The following KIAA1755 variants were observed in gnomAD, a reference collection of about 807,000 sequenced individuals.
The protein encoded by KIAA1755 is KIAA1755.
In KIAA1755, 68 loss-of-function variants were observed where a neutral mutation model predicts 91.7. That is an observed-to-expected ratio of 0.74 (90% CI 0.61 to 0.91). The LOEUF (loss-of-function observed/expected upper bound fraction) is 0.91. Among genes scored for constraint, KIAA1755 ranks in the 40% least tolerant of loss-of-function variants. KIAA1755 has a pLI of 0.00. For synonymous variants in KIAA1755, 610 were observed against 604.6 expected, an observed-to-expected ratio of 1.01 and a Z score of -0.13; for missense variants, 1,535 against 1,494.4, an observed-to-expected ratio of 1.03 and a Z score of -0.45.
intron 4 of KIAA1755, 120 bp downstream of exon 4, chr20:38,239,408 C>T (rs968139538): frequency 1.2e-6 from 1 of 808,348 alleles, no homozygotes. Flanking sequence ...CCCAAGGAGG[C>T]TTGGTCTAGA....
chr20:38,216,054 G>T (rs755034593), intron 13 of KIAA1755, among the ~76,000 whole-genome samples: 3 of 152,110 alleles, frequency 2.0e-5, no homozygotes, highest in African/African-American at 7.2e-5. Context: ...CATAGGATCG[G>T]GGCGACAATA....
At chr20:38,242,809 T>C (rs1354590400) in intron 2 of KIAA1755, among the ~76,000 whole-genome samples, 1 of 152,260 alleles carries the variant, frequency 6.6e-6, no homozygotes, top group East Asian at 1.9e-4. Flanking sequence ...TATTTGTTTG[T>C]TTATTTATTT....
In KIAA1755 at chr20:38,241,896, CCT is replaced by C. The variant is rs2076075669; in HGVS notation, c.233_234del (p.Glu78GlyfsTer9). On this transcript the variant is annotated frameshift_variant, in exon 3 of 14. Transcript: ENST00000279024. LOFTEE classifies it high-confidence loss of function. The part of the protein sequence containing the change: ...APYSHCLFLH[E>X]GWPLCLRDEV... ...TCATCCCTCAGACAGAGTGGCCAGC[CCT>C]CGTGTAAGAAGAGGCAGTGTGAGTA... The C allele has an allele frequency of 1.2e-6, 2 of 1,613,576 alleles. No individual in the cohort carries two copies. The highest frequency in any genetic ancestry group is 1.7e-6 in the Non-Finnish European group (2 of 1,179,940).
rs751770948 is a variant in KIAA1755, at chr20:38,213,240, C to T, written c.3405G>A (p.Glu1135=). ...SPPQEAGQAA[E]AEDGKGSHKL... is the part of the protein sequence containing the mutation. The stretch of plus-strand genomic sequence containing the variant: ...TGTGGGAGCCTTTGCCGTCTTCAGC[C>T]TCTGCAGCCTGGCCAGCTTCCTGGG... The change falls in exon 14 of 14, where the codon GAG becomes GAA. Residue 1135 remains glutamate, a synonymous_variant. Transcript: ENST00000279024. The T allele has an allele frequency of 1.2e-6, 2 of 1,613,294 alleles. No individual in the cohort carries two copies. Among genetic ancestry groups the T allele is most frequent in the Admixed American group, 1.7e-5 (1 of 60,012 alleles).
chr20:38,218,008 T>C (rs939550810), intron 12 of KIAA1755: 5 of 571,556 alleles, frequency 8.7e-6, no homozygotes, highest in African/African-American at 5.6e-5. Context: ...CCCTGGAAAC[T>C]GCATTTTAAG....
intron 13 of KIAA1755, among the ~76,000 whole-genome samples, chr20:38,216,130 T>C (rs2075539907): frequency 6.6e-6 from 1 of 152,222 alleles, no homozygotes; most frequent in East Asian, 1.9e-4. Context: ...CCATTAACTA[T>C]GGTCTTAGCA....
At position 38,241,677 on chromosome 20, in the gene KIAA1755, C is replaced by T; in HGVS notation, c.454G>A (p.Ala152Thr). The change falls in exon 3 of 14, where the codon GCC (alanine) becomes ACC (threonine). Residue 152 changes from alanine (A) to threonine (T), a missense_variant. Coordinates refer to ENST00000279024, the MANE Select transcript of KIAA1755 (RefSeq NM_001029864.2). ...PILFTQEWLE[A>T]INSDFEGNPL... Reference sequence around the variant, plus strand: ...TTTCCCTCAAAGTCACTGTTGATGGCCTCCAGCCATTCTTGGGTGAAAAGT... The same window carrying T: ...TTTCCCTCAAAGTCACTGTTGATGGTCTCCAGCCATTCTTGGGTGAAAAGT... 1 of 1,614,242 alleles carries T rather than the reference C, an allele frequency of 6.2e-7. No individual in the cohort carries two copies. Among genetic ancestry groups the T allele is most frequent in the Non-Finnish European group, 8.5e-7 (1 of 1,180,048 alleles).
intron 1 of KIAA1755, among the ~76,000 whole-genome samples, chr20:38,258,713 A>G (rs1303193530): frequency 1.3e-5 from 2 of 152,198 alleles, no homozygotes; most frequent in Non-Finnish European, 2.9e-5. Context: ...AGCGTGAACC[A>G]TAAGAGGCTC....
At chr20:38,251,844 G>T (rs2076255389) in intron 1 of KIAA1755, among the ~76,000 whole-genome samples, 1 of 152,112 alleles carries the variant, frequency 6.6e-6, no homozygotes, top group Non-Finnish European at 1.5e-5. Context: ...GAGATTACAG[G>T]CATGAGACAC....
In KIAA1755 at chr20:38,244,643, G is replaced by A. The variant is rs1304006920; in HGVS notation, c.201+1286C>T. Among the ~76,000 whole-genome samples the A allele has an allele frequency of 2.6e-5, 4 of 152,176 alleles. No homozygotes were observed. In the East Asian group the frequency reaches 7.7e-4, roughly 29 times the overall value. Reference sequence around the variant, plus strand: ...GGGAAACCCATGAAGGGAATGGCAAGTTCCTGTGGTGGGCATTTGACGGCT... The same window carrying A: ...GGGAAACCCATGAAGGGAATGGCAAATTCCTGTGGTGGGCATTTGACGGCT... On this transcript the variant is annotated intron_variant, in intron 2 of 13. Transcript: ENST00000279024.
At chr20:38,223,214 C>A (rs748708738) in intron 9 of KIAA1755, 13 of 209,208 alleles carry the variant, frequency 6.2e-5, no homozygotes, top group African/African-American at 2.6e-4. Flanking sequence ...GGCCCTCCTC[C>A]CTCCCTCATT....
intron 1 of KIAA1755, among the ~76,000 whole-genome samples, chr20:38,251,439 C>A (rs752441932): frequency 2.0e-5 from 3 of 151,994 alleles, no homozygotes; most frequent in Non-Finnish European, 2.9e-5. Context: ...ACCCAGGGAA[C>A]CTTGTAGTGC....
At chr20:38,228,380 A>G (rs1490977935) in intron 5 of KIAA1755, 140 bp from the exon 6 acceptor site, 13 of 570,666 alleles carry the variant, frequency 2.3e-5, no homozygotes, top group Middle Eastern at 2.9e-4. Flanking sequence ...CCAAGTTCCA[A>G]TGCCCCTTCT....
In KIAA1755 at chr20:38,242,055, G is replaced by A. The variant is rs1279529137; in HGVS notation, c.202-126C>T. On this transcript the variant is annotated intron_variant, in intron 2 of 13. Transcript: ENST00000279024. ...GGGACTAGGATGAGGCAGCATTTAG[G>A]AGGCACTCACTGTCAAGGTTGTGCA... 3 of 929,048 alleles carry A rather than the reference G, an allele frequency of 3.2e-6. No individual in the cohort carries two copies. In the African/African-American group the frequency reaches 5.0e-5, roughly 15 times the overall value. 57.6% of individuals were successfully genotyped at this position (929,048 alleles called of 1,614,324 possible).
At chr20:38,255,356 C>G (rs1012326333) in intron 1 of KIAA1755, among the ~76,000 whole-genome samples, 2 of 152,174 alleles carry the variant, frequency 1.3e-5, no homozygotes, top group Admixed American at 6.5e-5. Context: ...TCAGCCTCAG[C>G]ACCAGGGAAG....
Position 38,222,652 on chromosome 20 carries a change from T to G in KIAA1755, c.2269-55A>C, listed in dbSNP as rs1319472744. 3.8e-6 allele frequency: 6 copies of G among 1,576,498 alleles called. No individual in the cohort carries two copies. The East Asian group carries it at 1.4e-4, about 36-fold the overall frequency. On this transcript the variant is annotated intron_variant, in intron 9 of 13. Transcript: ENST00000279024. ...CCATCCCCACTCTCCCTCTGCAACC[T>G]TCCAAGGCTCCCCACACCCAGATCA...
At chr20:38,217,214 G>A in intron 13 of KIAA1755, 39 bp downstream of exon 13, 2 of 1,526,342 alleles carry the variant, frequency 1.3e-6, no homozygotes, top group Non-Finnish European at 1.8e-6. Context: ...CCAGCCAGGG[G>A]ATCGGGGGGT....
At position 38,228,629 on chromosome 20, in the gene KIAA1755, T is replaced by C. The variant is rs547854341; in HGVS notation, c.1872-389A>G. On this transcript the variant is annotated intron_variant, in intron 5 of 13. Coordinates refer to ENST00000279024, the MANE Select transcript of KIAA1755 (RefSeq NM_001029864.2). ...AGTTCCCCCAGAGCCTGGCTTCTGATTGGTTGAGGCCAACAGTAGTGACGT... is the reference window on the plus strand; with the variant it reads ...AGTTCCCCCAGAGCCTGGCTTCTGACTGGTTGAGGCCAACAGTAGTGACGT... 6.6e-5 allele frequency among the ~76,000 whole-genome samples: 10 copies of C among 152,326 alleles called. No individual in the cohort carries two copies. The East Asian group carries it at 1.7e-3, about 26-fold the overall frequency.
chr20:38,240,566 C>A lies in KIAA1755; in HGVS notation c.1549+16G>T. On this transcript the variant is annotated intron_variant, in intron 3 of 13. Transcript: ENST00000279024. The stretch of plus-strand genomic sequence containing the variant: ...ACAATAACCTCCTTGTACAGCTGAG[C>A]ATGTGGGCATCTTACCTTTCCCCAA... 6.7e-7 allele frequency: 1 copy of A among 1,484,106 alleles called. No homozygotes were observed. The highest frequency in any genetic ancestry group is 1.5e-5 in the South Asian group (1 of 66,796). The allele number at this position is 1,484,106 out of a possible 1,614,324, so 91.9% of individuals were successfully genotyped here.
Sources: allele counts gnomAD v4.1 joint callset (sites outside exome capture counted in the v4.1 genomes callset), GRCh38; gene constraint gnomAD v4.1.1; transcripts MANE v1.5; gene names NCBI Gene and HGNC (gene_info 2026-07-23, HGNC 2026-07-21).